Variants in HDAC9 observed in about 807,000 individuals in gnomAD.
HDAC9 encodes histone deacetylase 9, also known as MEF-2 interacting transcription repressor (MITR) protein.
A neutral mutation model predicts 139.4 loss-of-function variants in HDAC9; 41 were observed. The ratio of observed to expected loss-of-function variants is 0.29; its 90% confidence interval spans 0.23 to 0.38. HDAC9 has a LOEUF of 0.38. Among genes scored for constraint, HDAC9 ranks in the 10% least tolerant of loss-of-function variants. HDAC9 has a pLI of 1.00. For synonymous variants in HDAC9, 517 were observed against 476.2 expected (o/e 1.09, Z -1.12); for missense variants, 1,147 against 1,297.0 (o/e 0.88, Z 1.78).
At chr7:18,980,764 T>TCTTCTTCTTCTTC (rs1784884404) in intron 25 of HDAC9, among the ~76,000 whole-genome samples, 1 of 149,926 alleles carries the variant, frequency 6.7e-6, no homozygotes, top group African/African-American at 2.5e-5. Context: ...TCTTCCTTCT[T>TCTTCTTCTTCTTC]CTTCTTCTTC....
intron 17 of HDAC9, among the ~76,000 whole-genome samples, chr7:18,805,727 T>C (rs2129186190): frequency 6.6e-6 from 1 of 152,258 alleles, no homozygotes; most frequent in Middle Eastern, 3.4e-3. Flanking sequence ...CCTGAGAGTG[T>C]TCCCATTCAT....
At chr7:18,377,519 A>T (rs1177635731) in intron 1 of HDAC9, among the ~76,000 whole-genome samples, 1 of 152,224 alleles carries the variant, frequency 6.6e-6, no homozygotes, top group East Asian at 1.9e-4. Flanking sequence ...TAAACTCGTT[A>T]TCCATATATG....
At chr7:18,500,897 A>G (rs1798193899) in intron 2 of HDAC9, among the ~76,000 whole-genome samples, 2 of 152,138 alleles carry the variant, frequency 1.3e-5, no homozygotes, top group Admixed American at 6.6e-5. Context: ...GAAAGGAGAT[A>G]TAGATCTCAG....
In HDAC9 at chr7:18,954,220, T is replaced by G; in HGVS notation, c.3012T>G (p.Ile1004Met). Residue 1004 changes from isoleucine to methionine, a missense_variant, in exon 24 of 26, where the codon ATT becomes ATG. Physicochemically the swap from Ile to Met is conservative, Grantham distance 10 (BLOSUM62 1). Transcript: ENST00000686413. The stretch of plus-strand genomic sequence containing the variant: ...CTGTTATTTCTTTACAGAAGATCAT[T>G]GAAATTCAAAGTATGTCTTTAAAGT... ...MNAVISLQKI[I>M]EIQSKYWKSV... is the part of the protein sequence containing the mutation. The G allele has an allele frequency of 6.6e-7, 1 of 1,513,378 alleles. No individual in the cohort carries two copies. The highest frequency in any genetic ancestry group is 9.1e-7 in the Non-Finnish European group (1 of 1,104,302). The allele number at this position is 1,513,378 out of a possible 1,614,324, so 93.7% of individuals were successfully genotyped here. A position where few individuals can be genotyped will look rare whatever the true frequency, so the allele number is the denominator to read the frequency against.
chr7:18,845,750 G>C (rs995855113), intron 21 of HDAC9, among the ~76,000 whole-genome samples: 1 of 151,978 alleles, frequency 6.6e-6, no homozygotes, highest in Non-Finnish European at 1.5e-5. Flanking sequence ...ACGACAACAA[G>C]CAAAACCCTT....
intron 16 of HDAC9, among the ~76,000 whole-genome samples, chr7:18,779,333 A>G (rs1791047865): frequency 6.6e-6 from 1 of 151,920 alleles, no homozygotes; most frequent in Admixed American, 6.6e-5. Context: ...GTTGTATCAC[A>G]AGGGAGAAGG....
At chr7:18,959,684 C>G (rs111906059) in intron 24 of HDAC9, among the ~76,000 whole-genome samples, 13 of 152,262 alleles carry the variant, frequency 8.5e-5, no homozygotes, top group African/African-American at 2.9e-4. Context: ...ACTAGAATTG[C>G]TTTTCCACGT....
chr7:18,315,367 C>T (rs995660496), intron 1 of HDAC9, among the ~76,000 whole-genome samples: 2 of 152,108 alleles, frequency 1.3e-5, no homozygotes, highest in African/African-American at 4.8e-5. Flanking sequence ...TGAGGCACAG[C>T]GTGGCTCATT....
At position 18,999,855 on chromosome 7, in the gene HDAC9, T is replaced by C. The variant is rs1195132248; in HGVS notation, c.*3793T>C. On this transcript the variant is annotated 3_prime_UTR_variant, in exon 26 of 26. Transcript: ENST00000686413. ...ATCTCAATGAAAGAAGTATTAAAAGTCTTATGGCCCCAAAAGAAACAAGCC... is the reference window on the plus strand; with the variant it reads ...ATCTCAATGAAAGAAGTATTAAAAGCCTTATGGCCCCAAAAGAAACAAGCC... The C allele has an allele frequency of 1.3e-5, 2 of 152,190 alleles. No homozygotes were observed. The highest frequency in any genetic ancestry group is 2.9e-5 in the Non-Finnish European group (2 of 68,016). 9.4% of individuals were successfully genotyped at this position (152,190 alleles called of 1,614,324 possible). A position where few individuals can be genotyped will look rare whatever the true frequency, so the allele number is the denominator to read the frequency against.
intron 1 of HDAC9, among the ~76,000 whole-genome samples, chr7:18,394,206 T>A (rs1786810792): frequency 6.6e-6 from 1 of 152,178 alleles, no homozygotes; most frequent in African/African-American, 2.4e-5. Context: ...TTATACCTTG[T>A]TTGTTAAAGG....
At chr7:18,874,094 G>A (rs544019983) in intron 21 of HDAC9, among the ~76,000 whole-genome samples, 9 of 152,010 alleles carry the variant, frequency 5.9e-5, no homozygotes, top group South Asian at 4.2e-4. Flanking sequence ...GGAGCAAGCC[G>A]GGTTTTCACT....
intron 1 of HDAC9, among the ~76,000 whole-genome samples, chr7:18,466,680 A>C (rs1240544638): frequency 6.6e-6 from 1 of 152,218 alleles, no homozygotes; most frequent in Admixed American, 6.5e-5. Flanking sequence ...CTCCTATTTT[A>C]AATTTAGCTA....
chr7:18,614,492 T>C (rs1838051064), intron 6 of HDAC9, among the ~76,000 whole-genome samples: 2 of 152,190 alleles, frequency 1.3e-5, no homozygotes, highest in African/African-American at 4.8e-5. Flanking sequence ...GAAGCATCTT[T>C]TCAGATGTAT....
At chr7:18,852,125 T>G (rs1316623813) in intron 21 of HDAC9, among the ~76,000 whole-genome samples, 1 of 152,210 alleles carries the variant, frequency 6.6e-6, no homozygotes, top group African/African-American at 2.4e-5. Flanking sequence ...ATCTTTCATG[T>G]GCGTAAAGCT....
chr7:18,406,646 T>C (rs1585673964), intron 1 of HDAC9, among the ~76,000 whole-genome samples: 2 of 152,184 alleles, frequency 1.3e-5, no homozygotes, highest in Non-Finnish European at 2.9e-5. Flanking sequence ...GCCTTGGCCT[T>C]CCAAAGTGCT....
intron 1 of HDAC9, among the ~76,000 whole-genome samples, chr7:18,443,067 ATAG>A (rs1276809008): frequency 2.6e-5 from 4 of 152,212 alleles, no homozygotes; most frequent in Admixed American, 6.5e-5. Context: ...AAGAGAATTA[ATAG>A]TAGTCTCTGC....
chr7:18,341,700 T>C (rs113055147), intron 1 of HDAC9, among the ~76,000 whole-genome samples: 1 of 151,674 alleles, frequency 6.6e-6, no homozygotes, highest in African/African-American at 2.4e-5. Context: ...AATTCTAGGG[T>C]TTCTATCAGT....
chr7:18,958,731 C>T (rs1036205452), intron 24 of HDAC9, among the ~76,000 whole-genome samples: 10 of 152,076 alleles, frequency 6.6e-5, no homozygotes, highest in Non-Finnish European at 8.8e-5. Context: ...TTCTTCTAAG[C>T]CTGCGTTGAT....
chr7:18,451,524 A>G (rs1240978454), intron 1 of HDAC9, among the ~76,000 whole-genome samples: 2 of 151,688 alleles, frequency 1.3e-5, no homozygotes, highest in African/African-American at 4.8e-5. Flanking sequence ...ATAATGGAGA[A>G]TCTCGATTGG....
Sources: allele counts gnomAD v4.1 joint callset (sites outside exome capture counted in the v4.1 genomes callset), GRCh38; gene constraint gnomAD v4.1.1; transcripts MANE v1.5; gene names NCBI Gene and HGNC (gene_info 2026-07-23, HGNC 2026-07-21).